Variants in LRRC4C observed in about 807,000 individuals in gnomAD.
LRRC4C encodes the protein leucine rich repeat containing 4C.
A neutral mutation model predicts 33.6 loss-of-function variants in LRRC4C; 5 were observed. That is an observed-to-expected ratio of 0.15 (90% confidence interval 0.08 to 0.31). The LOEUF (loss-of-function observed/expected upper bound fraction) is 0.31. Among genes scored for constraint, LRRC4C ranks in the 10% least tolerant of loss-of-function variants. The pLI, the probability that LRRC4C is intolerant of heterozygous loss-of-function variation, is 1.00. For synonymous variants in LRRC4C, 329 were observed against 302.0 expected (o/e 1.09, Z -0.93); for missense variants, 560 against 796.7 (o/e 0.70, Z 3.58).
At chr11:41,339,941 T>C (rs994026912) in intron 1 of LRRC4C, among the ~76,000 whole-genome samples, 1 of 152,066 alleles carries the variant, frequency 6.6e-6, no homozygotes, top group Non-Finnish European at 1.5e-5. Flanking sequence ...GGGTTTTAAC[T>C]CAGAAAAAGG....
chr11:40,782,028 C>G (rs1565054926), intron 2 of LRRC4C, among the ~76,000 whole-genome samples: 2 of 152,084 alleles, frequency 1.3e-5, no homozygotes, highest in South Asian at 4.1e-4. Flanking sequence ...TTTACAATCC[C>G]TTACTTTCAT....
intron 2 of LRRC4C, among the ~76,000 whole-genome samples, chr11:40,930,243 A>G (rs1957563459): frequency 6.6e-6 from 1 of 152,196 alleles, no homozygotes; most frequent in South Asian, 2.1e-4. Flanking sequence ...GAATCCAGCC[A>G]GTCTGAGATG....
intron 3 of LRRC4C, among the ~76,000 whole-genome samples, chr11:40,399,642 C>G (rs1019260512): frequency 6.6e-6 from 1 of 151,846 alleles, no homozygotes; most frequent in Non-Finnish European, 1.5e-5. Context: ...ATGTAACTAA[C>G]CTGCACATTG....
intron 6 of LRRC4C, among the ~76,000 whole-genome samples, chr11:40,123,334 T>C (rs1855970693): frequency 6.6e-6 from 1 of 152,204 alleles, no homozygotes; most frequent in Non-Finnish European, 1.5e-5. Flanking sequence ...TATGATCTTA[T>C]ATTTGGAAAA....
At chr11:41,083,558 G>A (rs1939735012) in intron 1 of LRRC4C, among the ~76,000 whole-genome samples, 1 of 152,140 alleles carries the variant, frequency 6.6e-6, no homozygotes, top group African/African-American at 2.4e-5. Context: ...ATACAGCTAG[G>A]GAGGAAGACC....
At chr11:40,419,215 C>G (rs544748964) in intron 3 of LRRC4C, among the ~76,000 whole-genome samples, 10 of 152,052 alleles carry the variant, frequency 6.6e-5, no homozygotes, top group Non-Finnish European at 1.3e-4. Flanking sequence ...ATATGTGTCA[C>G]TGAAGTTCCA....
chr11:40,200,278 T>C (rs1259464965), intron 5 of LRRC4C, among the ~76,000 whole-genome samples: 1 of 148,712 alleles, frequency 6.7e-6, no homozygotes, highest in African/African-American at 2.5e-5. Context: ...GCAGGAGAAT[T>C]GCTTGAATGT....
intron 1 of LRRC4C, among the ~76,000 whole-genome samples, chr11:41,152,826 T>C (rs1944058477): frequency 6.6e-6 from 1 of 152,174 alleles, no homozygotes; most frequent in Non-Finnish European, 1.5e-5. Flanking sequence ...GGTCACTTTG[T>C]CTGTAGAAGG....
At chr11:41,341,683 A>C (rs1179169412) in intron 1 of LRRC4C, among the ~76,000 whole-genome samples, 1 of 152,252 alleles carries the variant, frequency 6.6e-6, no homozygotes, top group Non-Finnish European at 1.5e-5. Context: ...TCCAAGCATG[A>C]GGCTAAAGAA....
intron 3 of LRRC4C, among the ~76,000 whole-genome samples, chr11:40,495,003 A>G (rs913096970): frequency 1.3e-5 from 2 of 152,234 alleles, no homozygotes; most frequent in South Asian, 4.1e-4. Flanking sequence ...ATGTACACAT[A>G]AAGTTCAGCA....
At chr11:40,408,160 A>C (rs1416359269) in intron 3 of LRRC4C, among the ~76,000 whole-genome samples, 2 of 152,016 alleles carry the variant, frequency 1.3e-5, no homozygotes, top group African/African-American at 4.8e-5. Context: ...TTCAGTTTTC[A>C]ATTAATAAAC....
chr11:40,874,806 C>T (rs946103781), intron 2 of LRRC4C, among the ~76,000 whole-genome samples: 2 of 152,166 alleles, frequency 1.3e-5, no homozygotes, highest in Admixed American at 6.5e-5. Flanking sequence ...TATAGTACCA[C>T]GTCTCTGTAG....
intron 1 of LRRC4C, among the ~76,000 whole-genome samples, chr11:41,370,577 C>T (rs1040240102): frequency 3.3e-5 from 5 of 152,116 alleles, no homozygotes; most frequent in African/African-American, 1.2e-4. Context: ...TAAGAAGCGC[C>T]TTTCTCCTCC....
At chr11:40,751,144 A>C (rs1948672212) in intron 2 of LRRC4C, among the ~76,000 whole-genome samples, 1 of 152,178 alleles carries the variant, frequency 6.6e-6, no homozygotes, top group Non-Finnish European at 1.5e-5. Context: ...ATATATGACA[A>C]ACCTATAGTT....
chr11:40,465,421 C>A (rs1171935682), intron 3 of LRRC4C, among the ~76,000 whole-genome samples: 1 of 151,778 alleles, frequency 6.6e-6, no homozygotes, highest in Non-Finnish European at 1.5e-5. Flanking sequence ...ATGACTTAGA[C>A]CCTAAAAGCA....
intron 1 of LRRC4C, among the ~76,000 whole-genome samples, chr11:40,993,080 T>C (rs1853696059): frequency 6.6e-6 from 1 of 152,190 alleles, no homozygotes; most frequent in Non-Finnish European, 1.5e-5. Context: ...AAAATAATAA[T>C]TTTAGTTGAC....
intron 2 of LRRC4C, among the ~76,000 whole-genome samples, chr11:40,857,384 T>G (rs756889461): frequency 2.6e-5 from 4 of 152,094 alleles, no homozygotes; most frequent in Non-Finnish European, 5.9e-5. Flanking sequence ...GTGCGTGTTG[T>G]TCCCCTCCCT....
chr11:41,359,144 A>T (rs1201329833), intron 1 of LRRC4C, among the ~76,000 whole-genome samples: 1 of 152,104 alleles, frequency 6.6e-6, no homozygotes, highest in Non-Finnish European at 1.5e-5. Context: ...AGAAAAAAAA[A>T]ACTATAGGAA....
chr11:40,149,824 A>G (rs1385266910), intron 5 of LRRC4C, among the ~76,000 whole-genome samples: 1 of 152,208 alleles, frequency 6.6e-6, no homozygotes, highest in Non-Finnish European at 1.5e-5. Flanking sequence ...AAAGAATAAT[A>G]TGGGGAAGAA....
Sources: allele counts gnomAD v4.1 joint callset (sites outside exome capture counted in the v4.1 genomes callset), GRCh38; gene constraint gnomAD v4.1.1; transcripts MANE v1.5; gene names NCBI Gene and HGNC (gene_info 2026-07-23, HGNC 2026-07-21).